Variants in MAML3 observed in about 807,000 individuals in gnomAD.
The protein encoded by MAML3 is mastermind like transcriptional coactivator 3, also known as mastermind-like protein 3.
Under a neutral mutation model 101.9 loss-of-function variants are expected in MAML3, and 27 were observed. The ratio of observed to expected loss-of-function variants is 0.27; its 90% CI spans 0.20 to 0.37. The LOEUF (loss-of-function observed/expected upper bound fraction) is 0.37, where lower values mean the gene tolerates loss of function less well. Among genes scored for constraint, MAML3 ranks in the 10% least tolerant of loss-of-function variants. The pLI is 1.00. For missense variants in MAML3, 1,316 were observed against 1,444.9 expected, an observed-to-expected ratio of 0.91 and a Z score of 1.45; for synonymous variants, 501 against 555.9, an observed-to-expected ratio of 0.90 and a Z score of 1.39.
chr4:140,070,262 CTTG>C (rs1249787286), intron 1 of MAML3, among the ~76,000 whole-genome samples: 5 of 152,166 alleles, frequency 3.3e-5, no homozygotes, highest in Non-Finnish European at 5.9e-5. Flanking sequence ...TTCAGAAATA[CTTG>C]TTGAATGAGT....
At chr4:139,784,458 G>T (rs563619226) in intron 2 of MAML3, among the ~76,000 whole-genome samples, 75 of 152,246 alleles carry the variant, frequency 4.9e-4, no homozygotes, top group African/African-American at 1.6e-3. Context: ...GAGGCTCCAG[G>T]CCCCTTCTTT....
In MAML3 at chr4:139,890,928, A is replaced by G. The variant is rs751574001; in HGVS notation, c.508T>C (p.Ser170Pro). ...TTCTGCTGGTCTCCATTAAGTGGTGATCGAGCTCCTTCCAACTTCCTTTTC... is the reference window on the plus strand; with the variant it reads ...TTCTGCTGGTCTCCATTAAGTGGTGGTCGAGCTCCTTCCAACTTCCTTTTC... ...TVKRKLEGAR[S>P]PLNGDQQNGA... The change falls in exon 2 of 5, where the codon TCA (serine) becomes CCA (proline). Residue 170 changes from serine (S) to proline (P), a missense_variant. Ser to Pro is a moderately conservative substitution (Grantham distance 74). Coordinates refer to ENST00000509479, the MANE Select transcript of MAML3 (RefSeq NM_018717.5). This position sits in a 1 kb window ranked among gnomAD's most constrained non-coding sequence, Gnocchi z 4.1. 6.2e-7 allele frequency: 1 copy of G among 1,613,406 alleles called. No individual in the cohort carries two copies. Among genetic ancestry groups the G allele is most frequent in the Non-Finnish European group, 8.5e-7 (1 of 1,179,558 alleles).
At chr4:139,826,737 C>T (rs976955508) in intron 2 of MAML3, among the ~76,000 whole-genome samples, 1 of 152,150 alleles carries the variant, frequency 6.6e-6, no homozygotes, top group East Asian at 1.9e-4. Context: ...GAGACACAAA[C>T]CCATGCTCTT....
chr4:139,943,427 G>C (rs1168231795), intron 1 of MAML3, among the ~76,000 whole-genome samples: 1 of 152,158 alleles, frequency 6.6e-6, no homozygotes, highest in Non-Finnish European at 1.5e-5. Flanking sequence ...GAAACAAACA[G>C]AGTACTAGAG....
intron 1 of MAML3, among the ~76,000 whole-genome samples, chr4:140,019,616 C>T (rs1297044044): frequency 1.3e-5 from 2 of 152,166 alleles, no homozygotes. Flanking sequence ...TATGTTAGAG[C>T]CTCAATCTTT....
At chr4:140,137,113 T>C (rs376730579) in intron 1 of MAML3, among the ~76,000 whole-genome samples, 14 of 152,264 alleles carry the variant, frequency 9.2e-5, no homozygotes, top group Admixed American at 5.9e-4. Context: ...CTCAGCCTCC[T>C]GAGTAGCTGG....
At chr4:139,977,882 A>G (rs1560855117) in intron 1 of MAML3, among the ~76,000 whole-genome samples, 1 of 149,860 alleles carries the variant, frequency 6.7e-6, no homozygotes, top group Non-Finnish European at 1.5e-5. Context: ...CAAAAAAACA[A>G]AAAACAAAAA....
At chr4:140,110,034 T>C (rs1254064750) in intron 1 of MAML3, among the ~76,000 whole-genome samples, 1 of 151,998 alleles carries the variant, frequency 6.6e-6, no homozygotes, top group Non-Finnish European at 1.5e-5. Context: ...ACGGGGTGGG[T>C]GGGAGAAAGA....
At chr4:139,943,058 A>G (rs1386967931) in intron 1 of MAML3, among the ~76,000 whole-genome samples, 1 of 152,230 alleles carries the variant, frequency 6.6e-6, no homozygotes, top group Non-Finnish European at 1.5e-5. Context: ...TTTCATTTAT[A>G]TATGTGAAAT....
intron 3 of MAML3, among the ~76,000 whole-genome samples, chr4:139,729,219 T>C (rs993462728): frequency 7.3e-5 from 11 of 150,134 alleles, no homozygotes; most frequent in African/African-American, 2.2e-4. Context: ...ACAATTTTTC[T>C]CTTTGGGGGA....
At chr4:140,050,546 G>C (rs1221226940) in intron 1 of MAML3, among the ~76,000 whole-genome samples, 1 of 151,384 alleles carries the variant, frequency 6.6e-6, no homozygotes, top group Non-Finnish European at 1.5e-5. Context: ...CCGCCTCCCA[G>C]GTTCTCCAAA....
intron 2 of MAML3, among the ~76,000 whole-genome samples, chr4:139,786,333 G>A (rs1730303097): frequency 6.6e-6 from 1 of 152,122 alleles, no homozygotes; most frequent in South Asian, 2.1e-4. Flanking sequence ...TGTGCTTTAA[G>A]GATGTGAGAA....
chr4:139,860,003 A>G (rs2667366), intron 2 of MAML3, among the ~76,000 whole-genome samples: 78,233 of 152,112 alleles, frequency 0.51, 21,890 homozygotes, highest in African/African-American at 0.72. Flanking sequence ...AGGAGCAGCC[A>G]CCGAGCCTCG....
At chr4:139,761,609 G>T (rs11734419) in intron 2 of MAML3, among the ~76,000 whole-genome samples, 8,430 of 152,130 alleles carry the variant, frequency 0.055, 268 homozygotes, top group South Asian at 0.088. Context: ...GCAAGTATTC[G>T]CTGATGGCCC....
At chr4:139,779,746 C>T (rs1730164574) in intron 2 of MAML3, among the ~76,000 whole-genome samples, 1 of 152,220 alleles carries the variant, frequency 6.6e-6, no homozygotes, top group Admixed American at 6.5e-5. Context: ...TTTTCAGCCA[C>T]AGCTGGCCAG....
At chr4:140,129,795 T>A (rs1317952548) in intron 1 of MAML3, among the ~76,000 whole-genome samples, 1 of 151,948 alleles carries the variant, frequency 6.6e-6, no homozygotes, top group African/African-American at 2.4e-5. Flanking sequence ...TGAAACCCCA[T>A]CTCTACTAAA....
chr4:139,985,828 C>T (rs1014301111), intron 1 of MAML3, among the ~76,000 whole-genome samples: 1 of 152,152 alleles, frequency 6.6e-6, no homozygotes, highest in Non-Finnish European at 1.5e-5. Context: ...GCAAACCACA[C>T]CAGAAGAGGA....
At chr4:139,784,342 A>G (rs1256192468) in intron 2 of MAML3, among the ~76,000 whole-genome samples, 1 of 152,192 alleles carries the variant, frequency 6.6e-6, no homozygotes, top group East Asian at 1.9e-4. Context: ...TTCTAAAACC[A>G]TCTTGCCTCT....
chr4:140,137,333 A>T (rs1328265585), intron 1 of MAML3, among the ~76,000 whole-genome samples: 1 of 152,234 alleles, frequency 6.6e-6, no homozygotes, highest in African/African-American at 2.4e-5. Flanking sequence ...TTTTTTTCAA[A>T]AAGTCACAAA....
Sources: allele counts gnomAD v4.1 joint callset (sites outside exome capture counted in the v4.1 genomes callset), GRCh38; gene constraint gnomAD v4.1.1; non-coding constraint Gnocchi (gnomAD v3.1); transcripts MANE v1.5; gene names NCBI Gene and HGNC (gene_info 2026-07-23, HGNC 2026-07-21).